SCAMP2: variants seen among roughly 807,000 people sequenced by gnomAD.
SCAMP2 encodes the protein secretory carrier-associated membrane protein 2.
Under a neutral mutation model 44.1 loss-of-function variants are expected in SCAMP2, and 25 were observed. That is an observed-to-expected ratio of 0.57 (90% confidence interval 0.41 to 0.79). The LOEUF (loss-of-function observed/expected upper bound fraction) is 0.79, where lower values mean the gene tolerates loss of function less well. SCAMP2 is among the 30% of genes least tolerant of loss of function. The probability of loss-of-function intolerance (pLI) is 0.00; values close to 1 mark genes in which losing one functional copy is unlikely to be tolerated. For synonymous variants in SCAMP2, 156 were observed against 166.0 expected (o/e 0.94, Z 0.46); for missense variants, 355 against 411.0 (o/e 0.86, Z 1.18).
rs2064590129 is a variant in SCAMP2, at chr15:74,873,282, C to G, written c.-27G>C. The G allele has an allele frequency of 6.8e-7, 1 of 1,477,364 alleles. No individual in the cohort carries two copies. The allele number at this position is 1,477,364 out of a possible 1,614,324, so 91.5% of individuals were successfully genotyped here. ...GTGATCGGGGGCCAGCGGGCGAACT[C>G]CGCGAACGCTGCTGCCTCCGGGCAC... On this transcript the variant is annotated 5_prime_UTR_variant, in exon 1 of 9. Transcript: ENST00000268099.
At chr15:74,846,874 G>A (rs1447867401) in intron 7 of SCAMP2, among the ~76,000 whole-genome samples, 1 of 152,144 alleles carries the variant, frequency 6.6e-6, no homozygotes, top group African/African-American at 2.4e-5. Context: ...TTCTGTGAAG[G>A]AGGATCACTG....
chr15:74,846,934 G>A (rs1567248404), intron 7 of SCAMP2, among the ~76,000 whole-genome samples: 1 of 151,926 alleles, frequency 6.6e-6, no homozygotes, highest in African/African-American at 2.4e-5. Flanking sequence ...CTGTAAAAGG[G>A]ATATCCTCAT....
At chr15:74,851,234 G>T in intron 5 of SCAMP2, 119 bp downstream of exon 5, 1 of 1,207,512 alleles carries the variant, frequency 8.3e-7, no homozygotes, top group Non-Finnish European at 1.2e-6. Flanking sequence ...CCCAGGCACT[G>T]AGGAAGGCTG....
intron 1 of SCAMP2, among the ~76,000 whole-genome samples, chr15:74,862,262 C>CAAAAA (rs1378347144): frequency 3.2e-4 from 4 of 12,546 alleles, no homozygotes; most frequent in Non-Finnish European, 5.6e-4. Flanking sequence ...GACTCTGTCT[C>CAAAAA]CAAAAAAAAA....
At chr15:74,864,419 G>C (rs2141180486) in intron 1 of SCAMP2, among the ~76,000 whole-genome samples, 1 of 152,336 alleles carries the variant, frequency 6.6e-6, no homozygotes, top group Non-Finnish European at 1.5e-5. Flanking sequence ...GGAGGCTGTG[G>C]AGGGGTGTGT....
At chr15:74,871,436 A>G (rs779899210) in intron 1 of SCAMP2, among the ~76,000 whole-genome samples, 8 of 152,016 alleles carry the variant, frequency 5.3e-5, no homozygotes, top group Non-Finnish European at 8.8e-5. Flanking sequence ...CCTGGGCGAC[A>G]GAGTGAGACC....
In SCAMP2 at chr15:74,851,327, G is replaced by A. The variant is rs750653776; in HGVS notation, c.472+26C>T. On this transcript the variant is annotated intron_variant, in intron 5 of 8. Coordinates refer to ENST00000268099, the MANE Select transcript of SCAMP2 (RefSeq NM_005697.5). ...CAAGTCACACCCAATTCGCCCTTGC[G>A]CTTGGAAGGCAGGAGTGGGACTCAC... 1.7e-5 allele frequency: 27 copies of A among 1,609,590 alleles called. 1 individual carries two copies. Among genetic ancestry groups the A allele is most frequent in the Middle Eastern group, 1.6e-4 (1 of 6,062 alleles).
intron 1 of SCAMP2, 54 bp downstream of exon 1, chr15:74,873,145 C>A: frequency 7.3e-7 from 1 of 1,370,112 alleles, no homozygotes; most frequent in Non-Finnish European, 9.5e-7. Flanking sequence ...GCCCGGGCGG[C>A]GGCCGTGGGC....
At chr15:74,861,447 C>G (rs1484652538) in intron 1 of SCAMP2, among the ~76,000 whole-genome samples, 1 of 152,124 alleles carries the variant, frequency 6.6e-6, no homozygotes, top group African/African-American at 2.4e-5. Flanking sequence ...AAATCTGTAC[C>G]TGCAATGATA....
intron 1 of SCAMP2, among the ~76,000 whole-genome samples, chr15:74,856,596 TC>T (rs1342731961): frequency 6.6e-6 from 1 of 150,888 alleles, no homozygotes; most frequent in Non-Finnish European, 1.5e-5. Context: ...TTTTTTTTTT[TC>T]CTTTTTCTTT....
intron 1 of SCAMP2, among the ~76,000 whole-genome samples, chr15:74,858,652 G>C (rs889072253): frequency 4.6e-5 from 7 of 152,026 alleles, no homozygotes; most frequent in Non-Finnish European, 1.0e-4. Context: ...GTAAAGCTGA[G>C]TGGGGCAAAG....
chr15:74,872,887 C>CTGACGCTAG (rs1353808432), intron 1 of SCAMP2: 7 of 339,470 alleles, frequency 2.1e-5, no homozygotes, highest in Non-Finnish European at 3.7e-5. Flanking sequence ...TCGCTTCTCC[C>CTGACGCTAG]TGACGCTAGG....
At chr15:74,871,955 G>A (rs28867450) in intron 1 of SCAMP2, among the ~76,000 whole-genome samples, 2 of 150,664 alleles carry the variant, frequency 1.3e-5, no homozygotes, top group African/African-American at 4.9e-5. Flanking sequence ...TGAAGCACGA[G>A]AATCACTTGA....
At chr15:74,852,829 A>G (rs1013396498) in intron 3 of SCAMP2, 3 of 153,000 alleles carry the variant, frequency 2.0e-5, no homozygotes, top group African/African-American at 7.2e-5. Flanking sequence ...CAGAGTCCAC[A>G]CTTATCTCCT....
chr15:74,856,886 T>C (rs2064472281), intron 1 of SCAMP2, among the ~76,000 whole-genome samples: 1 of 152,178 alleles, frequency 6.6e-6, no homozygotes, highest in Admixed American at 6.5e-5. Flanking sequence ...GTGAGCCACC[T>C]TGCCCTGTCC....
At chr15:74,864,263 G>A (rs188397596) in intron 1 of SCAMP2, among the ~76,000 whole-genome samples, 33 of 152,190 alleles carry the variant, frequency 2.2e-4, no homozygotes, top group African/African-American at 3.6e-4. Context: ...GGGTTTCACC[G>A]TGTTAGCCAG....
intron 1 of SCAMP2, among the ~76,000 whole-genome samples, chr15:74,868,322 C>G (rs949320072): frequency 2.0e-5 from 3 of 152,172 alleles, no homozygotes; most frequent in African/African-American, 7.2e-5. Context: ...AAGCACATGC[C>G]CACAGTGCGG....
intron 3 of SCAMP2, chr15:74,852,735 C>G (rs1157802853): frequency 2.0e-5 from 3 of 152,790 alleles, no homozygotes; most frequent in Non-Finnish European, 4.4e-5. Flanking sequence ...GAGCTGCCTC[C>G]TGAGGTCCCC....
intron 3 of SCAMP2, chr15:74,853,044 C>T (rs2064445444): frequency 5.5e-6 from 1 of 180,784 alleles, no homozygotes; most frequent in African/African-American, 2.4e-5. Context: ...CATGTGTACA[C>T]ACACACATGT....
Sources: allele counts gnomAD v4.1 joint callset (sites outside exome capture counted in the v4.1 genomes callset), GRCh38; gene constraint gnomAD v4.1.1; transcripts MANE v1.5; gene names NCBI Gene and HGNC (gene_info 2026-07-23, HGNC 2026-07-21).